The following MAST2 variants were observed in gnomAD, a reference collection of about 807,000 sequenced individuals.
MAST2 encodes the protein microtubule associated serine/threonine kinase 2, also known as microtubule-associated serine/threonine-protein kinase 2.
In MAST2, 70 loss-of-function variants were observed where a neutral mutation model predicts 147.4. That is an observed-to-expected ratio of 0.47 (90% CI 0.39 to 0.58). The LOEUF (loss-of-function observed/expected upper bound fraction) is 0.58. Ranked by LOEUF, MAST2 falls within the 20% of genes least tolerant of loss-of-function variation. The pLI is 0.00. For synonymous variants in MAST2, 869 were observed against 896.8 expected (o/e 0.97, Z 0.55); for missense variants, 2,080 against 2,302.3 (o/e 0.90, Z 1.98).
At chr1:45,828,753 T>C (rs938884634) in intron 2 of MAST2, among the ~76,000 whole-genome samples, 5 of 152,116 alleles carry the variant, frequency 3.3e-5, no homozygotes, top group Admixed American at 6.5e-5. Flanking sequence ...CAAAACCCCA[T>C]GTCTACTAAA....
At chr1:45,927,765 A>T (rs1286136772) in intron 4 of MAST2, among the ~76,000 whole-genome samples, 1 of 152,210 alleles carries the variant, frequency 6.6e-6, no homozygotes. Context: ...ATTAAAGTAT[A>T]AAGACAGGCA....
At chr1:45,811,985 G>C (rs1644316509) in intron 1 of MAST2, among the ~76,000 whole-genome samples, 1 of 151,878 alleles carries the variant, frequency 6.6e-6, no homozygotes, top group Non-Finnish European at 1.5e-5. Context: ...GGCCAGGCTG[G>C]TCTGGACCTC....
At chr1:46,005,563 G>T (rs1645452718) in intron 7 of MAST2, among the ~76,000 whole-genome samples, 1 of 152,164 alleles carries the variant, frequency 6.6e-6, no homozygotes, top group African/African-American at 2.4e-5. Flanking sequence ...CAGATGGCCT[G>T]TTGAGATTGG....
intron 4 of MAST2, among the ~76,000 whole-genome samples, chr1:45,928,337 A>G (rs1654734042): frequency 6.6e-6 from 1 of 152,242 alleles, no homozygotes; most frequent in East Asian, 1.9e-4. Flanking sequence ...TATCAATGTA[A>G]TCAAATATCC....
intron 5 of MAST2, among the ~76,000 whole-genome samples, chr1:45,961,197 A>G (rs920996359): frequency 1.3e-5 from 2 of 152,066 alleles, no homozygotes; most frequent in African/African-American, 4.8e-5. Flanking sequence ...GACATACTTG[A>G]CCTTTAAAGC....
chr1:45,930,382 TTTTTGTTTTTTTTG>T (rs1187244634), intron 4 of MAST2, among the ~76,000 whole-genome samples: 1 of 97,336 alleles, frequency 1.0e-5, no homozygotes, highest in Non-Finnish European at 2.1e-5. Flanking sequence ...CCTGGCCTGT[TTTTTGTTTTTTTTG>T]TTTTGTTTTG....
intron 3 of MAST2, among the ~76,000 whole-genome samples, chr1:45,867,859 A>G (rs1646221763): frequency 6.6e-6 from 1 of 152,206 alleles, no homozygotes; most frequent in Admixed American, 6.5e-5. Flanking sequence ...GACTCACAAC[A>G]ATGAAGTCCA....
chr1:45,831,607 G>GT (rs1644958071), intron 3 of MAST2, among the ~76,000 whole-genome samples: 1 of 152,024 alleles, frequency 6.6e-6, no homozygotes, highest in African/African-American at 2.4e-5. Context: ...TGACTAATTT[G>GT]TACATTTTTT....
At chr1:46,019,743 CTA>C (rs1195171358) in intron 11 of MAST2, 46 bp downstream of exon 11, 1 of 1,517,978 alleles carries the variant, frequency 6.6e-7, no homozygotes, top group African/African-American at 1.4e-5. Context: ...TAGAGGAGGA[CTA>C]TAGAGGAAGT....
rs146926812 is a variant in MAST2 at position 45,901,746 on chromosome 1, T to C, written c.500+19351T>C. ...AAGTATTTTATTTTGGTTGTGGCAA[T>C]TGTAAATGGGATTGAGTTCTTGATT... is the stretch of plus-strand genomic sequence containing the variant. On this transcript the variant is annotated intron_variant, in intron 4 of 28. Coordinates refer to ENST00000361297, the MANE Select transcript of MAST2 (RefSeq NM_015112.3). Among the ~76,000 whole-genome samples, 375 of 152,318 alleles carry C rather than the reference T, an allele frequency of 2.5e-3. 2 individuals are homozygous for C. The highest frequency in any genetic ancestry group is 8.9e-3 in the African/African-American group (370 of 41,568).
intron 1 of MAST2, among the ~76,000 whole-genome samples, chr1:45,808,251 G>A (rs1557789748): frequency 1.3e-5 from 2 of 152,130 alleles, no homozygotes; most frequent in African/African-American, 4.8e-5. Flanking sequence ...TTTATTTTGA[G>A]ATGGAGTCTT....
chr1:45,826,632 G>C (rs1644801279), intron 2 of MAST2, among the ~76,000 whole-genome samples: 1 of 152,010 alleles, frequency 6.6e-6, no homozygotes, highest in Non-Finnish European at 1.5e-5. Flanking sequence ...TTATAGACCT[G>C]AGCAACCAGG....
Position 46,031,394 on chromosome 1 carries a change from T to C in MAST2, c.2996T>C (p.Met999Thr), listed in dbSNP as rs1407522125. The C allele has an allele frequency of 7.4e-6, 12 of 1,611,524 alleles. No individual in the cohort carries two copies. The African/African-American group carries it at 1.3e-4, about 18-fold the overall frequency. The change falls in exon 24 of 29, where the codon ATG becomes ACG. Residue 999 changes from methionine (M) to threonine (T), a missense_variant. This residue lies in a region of MAST2 where 1,278 missense variants were observed against 1,304.2 expected (regional missense o/e 0.98). Transcript: ENST00000361297. This position sits in a 1 kb window ranked among gnomAD's most constrained non-coding sequence, Gnocchi z 4.1. ...CACTGCTTACTTGGGCCTACAGCTA[T>C]GGAGACCCGAGGCCGTGGGACCTCA... ...VGRSSGSSPA[M>T]ETRGRGTSQL...
At chr1:45,935,491 T>A (rs938738621) in intron 4 of MAST2, among the ~76,000 whole-genome samples, 2 of 152,118 alleles carry the variant, frequency 1.3e-5, no homozygotes, top group Non-Finnish European at 2.9e-5. Context: ...GAGTGGTATA[T>A]TTTAGGGTTT....
At position 45,853,392 on chromosome 1, in the gene MAST2, T is replaced by C. The variant is rs529468217; in HGVS notation, c.468+23811T>C. On this transcript the variant is annotated intron_variant, in intron 3 of 28. Transcript: ENST00000361297. ...GTTTTTTTTTGAGTCAGAGTCTCTG[T>C]CACCTAGGCCATAGTGCAGTGGCTC... Among the ~76,000 whole-genome samples, 82 of 152,252 alleles carry C rather than the reference T, an allele frequency of 5.4e-4. 2 individuals are homozygous for C. The highest frequency in any genetic ancestry group is 1.4e-3 in the Admixed American group (21 of 15,290).
At chr1:45,904,189 T>C (rs1650268396) in intron 4 of MAST2, among the ~76,000 whole-genome samples, 1 of 151,454 alleles carries the variant, frequency 6.6e-6, no homozygotes. Context: ...TTTTTTTTTT[T>C]GAGACGAAGG....
intron 17 of MAST2, 67 bp from the exon 18 acceptor site, chr1:46,028,701 C>G: frequency 1.9e-6 from 3 of 1,543,752 alleles, no homozygotes; most frequent in Non-Finnish European, 2.7e-6. Flanking sequence ...GAGCATCCCC[C>G]ATCTCCGGCT....
chr1:45,958,512 C>T (rs894039243), intron 4 of MAST2, among the ~76,000 whole-genome samples: 6 of 150,826 alleles, frequency 4.0e-5, no homozygotes, highest in Admixed American at 1.3e-4. Flanking sequence ...CCCTCTCCCT[C>T]CCTCCCTCTC....
At chr1:45,823,721 G>T (rs1644707566) in intron 1 of MAST2, among the ~76,000 whole-genome samples, 1 of 152,052 alleles carries the variant, frequency 6.6e-6, no homozygotes, top group Non-Finnish European at 1.5e-5. Context: ...TTCCTTCATT[G>T]ACATATAATA....
Sources: gnomAD v4.1 joint callset for allele counts (sites outside exome capture counted in the v4.1 genomes callset) on GRCh38, gnomAD v4.1.1 for gene constraint, gnomAD v4.1.1 regional missense constraint, Gnocchi (gnomAD v3.1) non-coding constraint, MANE v1.5 for transcripts, NCBI Gene and HGNC (gene_info 2026-07-23, HGNC 2026-07-21) for gene names.